The following AGAP1 variants were observed in gnomAD, a reference collection of about 807,000 sequenced individuals.
The protein encoded by AGAP1 is arf-GAP with GTPase, ANK repeat and PH domain-containing protein 1.
A neutral mutation model predicts 105.3 loss-of-function variants in AGAP1; 29 were observed. The ratio of observed to expected loss-of-function variants is 0.28; its 90% CI spans 0.21 to 0.38. The LOEUF (loss-of-function observed/expected upper bound fraction) is 0.38, where lower values mean the gene tolerates loss of function less well. Ranked by LOEUF, AGAP1 falls within the 10% of genes least tolerant of loss-of-function variation. The probability of loss-of-function intolerance (pLI) is 1.00; values close to 1 mark genes in which losing one functional copy is unlikely to be tolerated. For synonymous variants in AGAP1, 509 were observed against 485.9 expected (o/e 1.05, Z -0.63); for missense variants, 998 against 1,165.1 (o/e 0.86, Z 2.09).
rs1951140373 is a variant in AGAP1, at chr2:235,716,956, C to T, written c.223-601C>T. ...CTCTCCCAGCAGCCCTGGCACTGTC[C>T]CCTTTTTCTCGGAGATGCCTTGGTG... On this transcript the variant is annotated intron_variant, in intron 2 of 17. Transcript: ENST00000304032. This position sits in a 1 kb window ranked among gnomAD's most constrained non-coding sequence, Gnocchi z 4.0. 2.0e-5 allele frequency among the ~76,000 whole-genome samples: 3 copies of T among 152,080 alleles called. No homozygotes were observed. Among genetic ancestry groups the T allele is most frequent in the Admixed American group, 2.0e-4 (3 of 15,256 alleles).
Position 235,830,393 on chromosome 2 carries a change from A to G in AGAP1, c.1050+23062A>G, listed in dbSNP as rs942612862. On this transcript the variant is annotated intron_variant, in intron 9 of 17. Coordinates refer to ENST00000304032, the MANE Select transcript of AGAP1 (RefSeq NM_001037131.3). The surrounding 1 kb of genome is among the most constrained non-coding windows in gnomAD (Gnocchi z 5.5). ...TAGCAGTGTCCACTGTCTTTCTTCA[A>G]ATCAAGGCCAGTGAATTTTCTGATT... is the stretch of plus-strand genomic sequence containing the variant. 2.2e-4 allele frequency among the ~76,000 whole-genome samples: 33 copies of G among 152,322 alleles called. No homozygotes were observed. The highest frequency in any genetic ancestry group is 7.5e-4 in the African/African-American group (31 of 41,572).
chr2:235,636,238 T>C (rs1946998148), intron 1 of AGAP1, among the ~76,000 whole-genome samples: 1 of 152,194 alleles, frequency 6.6e-6, no homozygotes, highest in Admixed American at 6.5e-5. Context: ...TCTTCTCCTT[T>C]CTTCAGCGAG....
At chr2:236,016,413 G>T (rs2056705586) in intron 13 of AGAP1, among the ~76,000 whole-genome samples, 1 of 135,268 alleles carries the variant, frequency 7.4e-6, no homozygotes, top group African/African-American at 2.9e-5. Context: ...ATGCATGTGG[G>T]TTTGTCGCAA....
At chr2:235,501,610 C>T (rs761569337) in intron 1 of AGAP1, among the ~76,000 whole-genome samples, 92 of 152,118 alleles carry the variant, frequency 6.0e-4, no homozygotes, top group Non-Finnish European at 1.1e-3. Flanking sequence ...TTTGCCTAAA[C>T]CAGGCGTTTT....
intron 9 of AGAP1, among the ~76,000 whole-genome samples, chr2:235,862,293 A>G (rs2048958762): frequency 6.6e-6 from 1 of 152,194 alleles, no homozygotes; most frequent in Admixed American, 6.5e-5. Flanking sequence ...AAATTAAATT[A>G]TTTGTAGTAA....
intron 1 of AGAP1, among the ~76,000 whole-genome samples, chr2:235,509,303 T>G (rs1021181777): frequency 3.3e-5 from 5 of 152,060 alleles, no homozygotes; most frequent in Non-Finnish European, 1.5e-5. Context: ...CTCTGCTCAC[T>G]GTAACCTCTG....
intron 1 of AGAP1, among the ~76,000 whole-genome samples, chr2:235,530,361 T>C (rs886929429): frequency 1.3e-5 from 2 of 152,212 alleles, no homozygotes; most frequent in African/African-American, 4.8e-5. Flanking sequence ...ACGGGAGCCC[T>C]TGTGCCTTAG....
chr2:235,989,333 C>G lies in AGAP1; in HGVS notation c.1645+20710C>G, dbSNP rs959720890. Among the ~76,000 whole-genome samples, 9 of 152,152 alleles carry G rather than the reference C, an allele frequency of 5.9e-5. No individual in the cohort carries two copies. The highest frequency in any genetic ancestry group is 2.2e-4 in the African/African-American group (9 of 41,436). ...TGGTGACTTTGCAAGCTCACAATGT[C>G]CTGAATGAAAACCTAGTTCCTAAGC... On this transcript the variant is annotated intron_variant, in intron 13 of 17. Coordinates refer to ENST00000304032, the MANE Select transcript of AGAP1 (RefSeq NM_001037131.3). The surrounding 1 kb of genome is among the most constrained non-coding windows in gnomAD (Gnocchi z 4.4).
chr2:235,980,543 G>T (rs1484169077), intron 13 of AGAP1, among the ~76,000 whole-genome samples: 1 of 152,210 alleles, frequency 6.6e-6, no homozygotes, highest in African/African-American at 2.4e-5. Flanking sequence ...GAGCACACAT[G>T]TTGAGCGTCG....
intron 9 of AGAP1, among the ~76,000 whole-genome samples, chr2:235,827,477 A>G (rs1959135595): frequency 1.3e-5 from 2 of 152,176 alleles, no homozygotes; most frequent in Admixed American, 1.3e-4. Context: ...ATTTCTACTA[A>G]TACTTGTACT....
At chr2:235,532,607 A>G (rs1393234835) in intron 1 of AGAP1, among the ~76,000 whole-genome samples, 1 of 152,202 alleles carries the variant, frequency 6.6e-6, no homozygotes, top group Non-Finnish European at 1.5e-5. Flanking sequence ...CCTTTTCATA[A>G]ACTGTCTTTT....
At chr2:235,775,702 A>AT (rs1390796068) in intron 6 of AGAP1, 6 of 152,014 alleles carry the variant, frequency 3.9e-5, no homozygotes, top group Non-Finnish European at 7.4e-5. Flanking sequence ...GCTGTTATAA[A>AT]TTTTCTCTGG....
In AGAP1 at chr2:235,552,881, T is replaced by G. The variant is rs1169967437; in HGVS notation, c.163+58032T>G. The stretch of plus-strand genomic sequence containing the variant: ...CTGCAGAGCATTGGAGGCCTTGTTG[T>G]GGGCTCAAGGAGTGCAGAGAGGCAG... On this transcript the variant is annotated intron_variant, in intron 1 of 17. Coordinates refer to ENST00000304032, the MANE Select transcript of AGAP1 (RefSeq NM_001037131.3). This position sits in a 1 kb window ranked among gnomAD's most constrained non-coding sequence, Gnocchi z 5.9. Among the ~76,000 whole-genome samples, 1 of 152,218 alleles carries G rather than the reference T, an allele frequency of 6.6e-6. No homozygotes were observed. Among genetic ancestry groups the G allele is most frequent in the Non-Finnish European group, 1.5e-5 (1 of 68,038 alleles).
rs949642764 is a variant in AGAP1, at chr2:235,919,788, A to G, written c.1324+10882A>G. ...AAAGATGGAACCGTTATTCATGGCA[A>G]AGGAAGACACCAAACAAAGAAAAAT... is the stretch of plus-strand genomic sequence containing the variant. On this transcript the variant is annotated intron_variant, in intron 11 of 17. Transcript: ENST00000304032. This position sits in a 1 kb window ranked among gnomAD's most constrained non-coding sequence, Gnocchi z 4.1. Among the ~76,000 whole-genome samples the G allele has an allele frequency of 1.9e-4, 29 of 152,200 alleles. No homozygotes were observed. Among genetic ancestry groups the G allele is most frequent in the Non-Finnish European group, 4.4e-5 (3 of 68,028 alleles).
At chr2:235,946,657 G>C (rs1171758400) in intron 12 of AGAP1, among the ~76,000 whole-genome samples, 3 of 152,164 alleles carry the variant, frequency 2.0e-5, no homozygotes, top group South Asian at 2.1e-4. Flanking sequence ...CAGAAGTAGG[G>C]GACTGGGGGC....
At chr2:235,649,356 C>A (rs1360270554) in intron 1 of AGAP1, among the ~76,000 whole-genome samples, 1 of 152,140 alleles carries the variant, frequency 6.6e-6, no homozygotes, top group Non-Finnish European at 1.5e-5. Flanking sequence ...GGCCTTGAGA[C>A]TATGCAGTTT....
At position 235,875,000 on chromosome 2, in the gene AGAP1, A is replaced by G. The variant is rs547593153; in HGVS notation, c.1051-8345A>G. Among the ~76,000 whole-genome samples the G allele has an allele frequency of 5.3e-5, 8 of 152,288 alleles. No homozygotes were observed. Among genetic ancestry groups the G allele is most frequent in the African/African-American group, 1.4e-4 (6 of 41,566 alleles). The stretch of plus-strand genomic sequence containing the variant: ...AGAAACAGCTCTCCCAAACGTGGGC[A>G]AAAAAAGAAACTAGAACTGGTTGAA... On this transcript the variant is annotated intron_variant, in intron 9 of 17. Coordinates refer to ENST00000304032, the MANE Select transcript of AGAP1 (RefSeq NM_001037131.3). This position sits in a 1 kb window ranked among gnomAD's most constrained non-coding sequence, Gnocchi z 4.5.
Position 236,000,766 on chromosome 2 carries a change from A to G in AGAP1, c.1645+32143A>G, listed in dbSNP as rs1233623634. Among the ~76,000 whole-genome samples the G allele has an allele frequency of 2.6e-5, 4 of 152,070 alleles. No homozygotes were observed. Among genetic ancestry groups the G allele is most frequent in the Non-Finnish European group, 5.9e-5 (4 of 67,994 alleles). ...GGTACTAGAGATTGTGTTTGCAGTG[A>G]GGGCCACTAAGGGGGGCGGAGAAGA... is the stretch of plus-strand genomic sequence containing the variant. On this transcript the variant is annotated intron_variant, in intron 13 of 17. Coordinates refer to ENST00000304032, the MANE Select transcript of AGAP1 (RefSeq NM_001037131.3). This position sits in a 1 kb window ranked among gnomAD's most constrained non-coding sequence, Gnocchi z 4.3.
chr2:236,075,196 CTT>C (rs1559250319), intron 16 of AGAP1, among the ~76,000 whole-genome samples: 1 of 152,156 alleles, frequency 6.6e-6, no homozygotes, highest in Non-Finnish European at 1.5e-5. Flanking sequence ...CATGAGGAAT[CTT>C]TCAGGGGTGG....
Sources: gnomAD v4.1 joint callset for allele counts (sites outside exome capture counted in the v4.1 genomes callset) on GRCh38, gnomAD v4.1.1 for gene constraint, Gnocchi (gnomAD v3.1) non-coding constraint, MANE v1.5 for transcripts, NCBI Gene and HGNC (gene_info 2026-07-23, HGNC 2026-07-21) for gene names.